Variants in GABRB2 observed in about 807,000 individuals in gnomAD.
GABRB2 encodes gamma-aminobutyric acid type A receptor subunit beta2.
In GABRB2, 16 loss-of-function variants were observed where a neutral mutation model predicts 54.7. That is an observed-to-expected ratio of 0.29 (90% CI 0.20 to 0.44). The LOEUF (loss-of-function observed/expected upper bound fraction) is 0.44, where lower values mean the gene tolerates loss of function less well. GABRB2 is among the 20% of genes least tolerant of loss of function. The pLI, the probability that GABRB2 is intolerant of heterozygous loss-of-function variation, is 1.00. For missense variants in GABRB2, 355 were observed against 644.0 expected (o/e 0.55, Z 4.86); for synonymous variants, 244 against 233.8 (o/e 1.04, Z -0.40).
At chr5:161,366,229 G>A (rs1416318322) in intron 5 of GABRB2, among the ~76,000 whole-genome samples, 1 of 151,882 alleles carries the variant, frequency 6.6e-6, no homozygotes, top group Non-Finnish European at 1.5e-5. Context: ...TTTCAAAACT[G>A]GATCTAAAAT....
At chr5:161,490,377 A>T (rs1759062609) in intron 3 of GABRB2, among the ~76,000 whole-genome samples, 1 of 151,670 alleles carries the variant, frequency 6.6e-6, no homozygotes, top group South Asian at 2.1e-4. Context: ...CCTTGTGAAC[A>T]CATGGTTCAC....
chr5:161,539,717 C>G (rs1760754312), intron 3 of GABRB2, among the ~76,000 whole-genome samples: 3 of 152,036 alleles, frequency 2.0e-5, no homozygotes, highest in Admixed American at 6.6e-5. Context: ...GAAGGCATAC[C>G]ACAGAAAGAT....
At chr5:161,345,143 C>T (rs1477791015) in intron 5 of GABRB2, among the ~76,000 whole-genome samples, 1 of 151,896 alleles carries the variant, frequency 6.6e-6, no homozygotes, top group Non-Finnish European at 1.5e-5. Flanking sequence ...GTATACCTAT[C>T]TAACAAATCT....
At chr5:161,536,102 C>G (rs1465160843) in intron 3 of GABRB2, among the ~76,000 whole-genome samples, 4 of 152,084 alleles carry the variant, frequency 2.6e-5, no homozygotes, top group Non-Finnish European at 5.9e-5. Flanking sequence ...AATAGTGAAC[C>G]AAATAAACTT....
intron 4 of GABRB2, among the ~76,000 whole-genome samples, chr5:161,427,547 C>G (rs1280093420): frequency 6.6e-6 from 1 of 152,134 alleles, no homozygotes; most frequent in East Asian, 1.9e-4. Context: ...CAGCCTCTAT[C>G]TTTAATTCCT....
chr5:161,330,747 T>G, intron 8 of GABRB2, 136 bp downstream of exon 8: 1 of 1,229,370 alleles, frequency 8.1e-7, no homozygotes, highest in Non-Finnish European at 1.1e-6. Flanking sequence ...ATTAATTGTT[T>G]GTGTGCTTTG....
In GABRB2 at chr5:161,452,887, T is replaced by C. The variant is rs556990733; in HGVS notation, c.458+6737A>G. On this transcript the variant is annotated intron_variant, in intron 4 of 9. Transcript: ENST00000393959. Reference sequence around the variant, plus strand: ...GGCACATGCCTGTAGGTCCAGCTACTCAGGAGGCTGAGGTGGGAGAATTAC... The same window carrying C: ...GGCACATGCCTGTAGGTCCAGCTACCCAGGAGGCTGAGGTGGGAGAATTAC... Among the ~76,000 whole-genome samples the C allele has an allele frequency of 2.0e-5, 3 of 152,214 alleles. No homozygotes were observed. In the South Asian group the frequency reaches 6.2e-4, roughly 32 times the overall value.
intron 9 of GABRB2, among the ~76,000 whole-genome samples, chr5:161,299,852 T>C (rs1000421318): frequency 6.6e-6 from 1 of 152,174 alleles, no homozygotes; most frequent in Non-Finnish European, 1.5e-5. Context: ...AGGATGGAAA[T>C]TAGAGGCATT....
intron 5 of GABRB2, among the ~76,000 whole-genome samples, chr5:161,369,717 G>A (rs1755078305): frequency 6.6e-6 from 1 of 152,078 alleles, no homozygotes; most frequent in Admixed American, 6.6e-5. Context: ...TAACAGGTTT[G>A]CTATATTTGC....
At chr5:161,430,108 G>A (rs146582730) in intron 4 of GABRB2, among the ~76,000 whole-genome samples, 1 of 152,176 alleles carries the variant, frequency 6.6e-6, no homozygotes, top group Admixed American at 6.5e-5. Flanking sequence ...TTGTAATGTG[G>A]TATAAAAGCC....
rs1391774149 is a variant in GABRB2 at position 161,292,258 on chromosome 5, T to C, written c.*1823A>G. The C allele has an allele frequency of 6.6e-6, 1 of 152,198 alleles. No homozygotes were observed. Among genetic ancestry groups the C allele is most frequent in the Non-Finnish European group, 1.5e-5 (1 of 68,032 alleles). The allele number at this position is 152,198 out of a possible 1,614,324, so 9.4% of individuals were successfully genotyped here. The stretch of plus-strand genomic sequence containing the variant: ...CAAGGAATCAAGAAAACATACATTA[T>C]TCACAGGTGGATACTGGCTGCTATG... On this transcript the variant is annotated 3_prime_UTR_variant, in exon 10 of 10. Transcript: ENST00000393959.
chr5:161,470,947 T>C (rs1042917458), intron 3 of GABRB2, among the ~76,000 whole-genome samples: 1 of 152,002 alleles, frequency 6.6e-6, no homozygotes, highest in African/African-American at 2.4e-5. Context: ...CTAAAGCTTG[T>C]TCATGCTTCC....
intron 9 of GABRB2, among the ~76,000 whole-genome samples, chr5:161,315,016 C>T (rs1757981315): frequency 6.6e-6 from 1 of 151,826 alleles, no homozygotes; most frequent in Non-Finnish European, 1.5e-5. Context: ...GTGGATTTGG[C>T]TTCTGGTAGT....
chr5:161,494,288 G>T (rs1292681754), intron 3 of GABRB2, among the ~76,000 whole-genome samples: 1 of 151,780 alleles, frequency 6.6e-6, no homozygotes, highest in African/African-American at 2.4e-5. Flanking sequence ...TGAGTTATTA[G>T]ATTGTAGTAT....
rs35731363 is a variant in GABRB2 at position 161,517,799 on chromosome 5, A to AT, written c.237+27427dup. ...AAGGAAGTGCAACTGAAAATTTCTG[A>AT]TTTTTTTTTTTTTTTGAGACAGAGT... is the stretch of plus-strand genomic sequence containing the variant. On this transcript the variant is annotated intron_variant, in intron 3 of 9. Coordinates refer to ENST00000393959, the MANE Select transcript of GABRB2 (RefSeq NM_001371727.1). 5.8e-3 allele frequency among the ~76,000 whole-genome samples: 830 copies of AT among 144,262 alleles called. 4 individuals are homozygous for AT. Among genetic ancestry groups the AT allele is most frequent in the Admixed American group, 8.8e-3 (127 of 14,446 alleles). 94.6% of individuals were successfully genotyped at this position (144,262 alleles called of 152,430 possible).
chr5:161,468,032 T>C (rs1447650714), intron 3 of GABRB2, among the ~76,000 whole-genome samples: 2 of 152,082 alleles, frequency 1.3e-5, no homozygotes, highest in African/African-American at 4.8e-5. Context: ...TTTTGACAGC[T>C]TTATTTCCAA....
intron 5 of GABRB2, among the ~76,000 whole-genome samples, chr5:161,341,968 TAC>T (rs59691217): frequency 0.069 from 2,125 of 31,016 alleles, 120 homozygotes; most frequent in African/African-American, 0.1. Flanking sequence ...TATATATATA[TAC>T]ATACTTTATT....
chr5:161,369,533 GGAGAGAGA>G (rs70990780), intron 5 of GABRB2, among the ~76,000 whole-genome samples: 1 of 146,340 alleles, frequency 6.8e-6, no homozygotes, highest in African/African-American at 2.5e-5. Flanking sequence ...AGGAGGAGAG[GGAGAGAGA>G]GAGAGAGAGA....
At chr5:161,390,821 C>G (rs1173922825) in intron 5 of GABRB2, among the ~76,000 whole-genome samples, 1 of 152,150 alleles carries the variant, frequency 6.6e-6, no homozygotes, top group East Asian at 1.9e-4. Flanking sequence ...CAACGTAAGG[C>G]TTTCAGCACC....
Sources: gnomAD v4.1 joint callset for allele counts (sites outside exome capture counted in the v4.1 genomes callset) on GRCh38, gnomAD v4.1.1 for gene constraint, MANE v1.5 for transcripts, NCBI Gene and HGNC (gene_info 2026-07-23, HGNC 2026-07-21) for gene names.